PGS1: variants seen among roughly 807,000 people sequenced by gnomAD.
The protein encoded by PGS1 is CDP-diacylglycerol--glycerol-3-phosphate 3-phosphatidyltransferase, mitochondrial.
In PGS1, 44 loss-of-function variants were observed where a neutral mutation model predicts 58.3. The observed-to-expected ratio is 0.75, with a 90% confidence interval of 0.59 to 0.97. PGS1 has a LOEUF of 0.97. Among genes scored for constraint, PGS1 ranks in the 50% least tolerant of loss-of-function variants. The pLI is 0.00. For missense variants in PGS1, 684 were observed against 731.1 expected (o/e 0.94, Z 0.74); for synonymous variants, 330 against 311.0 (o/e 1.06, Z -0.64).
chr17:78,400,717 C>T lies in PGS1; in HGVS notation c.742C>T (p.Arg248Cys), dbSNP rs931233210. ...CTCCTACTTCACCAACCGCCAGGAC[C>T]GCTACGTGTTCCTGCAGGACTGTGC... ...SDSYFTNRQD[R>C]YVFLQDCAEI... Residue 248 changes from arginine (R) to cysteine (C), a missense_variant, in exon 6 of 10, where the codon CGC (arginine) becomes TGC (cysteine). Transcript: ENST00000262764. This position sits in a 1 kb window ranked among gnomAD's most constrained non-coding sequence, Gnocchi z 4.4. 1.9e-6 allele frequency: 3 copies of T among 1,614,014 alleles called. No individual in the cohort carries two copies. The highest frequency in any genetic ancestry group is 2.5e-6 in the Non-Finnish European group (3 of 1,179,986).
chr17:78,396,462 G>GC, intron 3 of PGS1, 77 bp downstream of exon 3: 1 of 1,066,718 alleles, frequency 9.4e-7, no homozygotes, highest in Non-Finnish European at 1.4e-6. Context: ...GTGCCATGCA[G>GC]TTGGTGTGGA....
At chr17:78,418,365 T>C (rs886120975) in intron 8 of PGS1, among the ~76,000 whole-genome samples, 1 of 152,236 alleles carries the variant, frequency 6.6e-6, no homozygotes, top group Non-Finnish European at 1.5e-5. Flanking sequence ...ATTGGCCGCC[T>C]GCCTTCTGTG....
intron 1 of PGS1, among the ~76,000 whole-genome samples, chr17:78,383,330 G>T (rs147365563): frequency 2.9e-4 from 44 of 152,040 alleles, no homozygotes; most frequent in Admixed American, 1.8e-3. Context: ...GGCTTCAAGC[G>T]ATTCTCCTGC....
intron 6 of PGS1, 65 bp from the exon 7 acceptor site, chr17:78,403,503 T>G: frequency 9.9e-6 from 15 of 1,521,762 alleles, no homozygotes; most frequent in African/African-American, 1.4e-5. Context: ...CCCTGTCCCC[T>G]GAGCTGGGCA....
chr17:78,419,808 C>T (rs1398241619), intron 9 of PGS1, 133 bp downstream of exon 9: 1 of 1,485,762 alleles, frequency 6.7e-7, no homozygotes, highest in Non-Finnish European at 9.0e-7. Flanking sequence ...AGAGCAGCAT[C>T]TTCAGGGGTA....
intron 1 of PGS1, among the ~76,000 whole-genome samples, chr17:78,383,095 A>G (rs2082149325): frequency 6.6e-6 from 1 of 152,328 alleles, no homozygotes; most frequent in South Asian, 2.1e-4. Flanking sequence ...TTTAAGTTTT[A>G]GCTATACATG....
At chr17:78,397,832 C>G (rs1228609669) in intron 3 of PGS1, among the ~76,000 whole-genome samples, 1 of 152,234 alleles carries the variant, frequency 6.6e-6, no homozygotes, top group South Asian at 2.1e-4. Context: ...CGGAGAGTGG[C>G]CAGTGGGCAG....
chr17:78,395,946 G>C (rs2083199990), intron 2 of PGS1, among the ~76,000 whole-genome samples: 1 of 152,216 alleles, frequency 6.6e-6, no homozygotes, highest in African/African-American at 2.4e-5. Context: ...CGCCATGTTG[G>C]CCAGGCTGGT....
In PGS1 at chr17:78,416,594, G is replaced by A. The variant is rs148384097; in HGVS notation, c.1551+1567G>A. ...CTGGATCTTGAGAAAAGCTGGGGCC[G>A]CCTGTGGTTAGCAGCTGCTTTCTCA... On this transcript the variant is annotated intron_variant, in intron 8 of 9. Transcript: ENST00000262764. Among the ~76,000 whole-genome samples the A allele has an allele frequency of 3.3e-4, 50 of 152,312 alleles. No individual in the cohort carries two copies. The East Asian group carries it at 8.5e-3, about 26-fold the overall frequency.
chr17:78,417,279 G>A (rs1274400507), intron 8 of PGS1, among the ~76,000 whole-genome samples: 1 of 152,194 alleles, frequency 6.6e-6, no homozygotes, highest in Non-Finnish European at 1.5e-5. Flanking sequence ...CTGGAGCCAG[G>A]TCTGTGGAGA....
At chr17:78,379,223 A>G (rs558313271) in intron 1 of PGS1, among the ~76,000 whole-genome samples, 5 of 152,280 alleles carry the variant, frequency 3.3e-5, no homozygotes, top group Admixed American at 2.0e-4. Context: ...GAGAGTTCAG[A>G]GGGGTCTTTT....
chr17:78,414,697 G>A (rs2085021071), intron 7 of PGS1, among the ~76,000 whole-genome samples, 182 bp from the exon 8 acceptor site: 2 of 152,200 alleles, frequency 1.3e-5, no homozygotes, highest in South Asian at 2.1e-4. Context: ...CCTGCTTCCT[G>A]CCGCGCCGGG....
At chr17:78,403,506 G>C (rs1426727192) in intron 6 of PGS1, 62 bp from the exon 7 acceptor site, 2 of 1,532,304 alleles carry the variant, frequency 1.3e-6, no homozygotes, top group Admixed American at 1.8e-5. Flanking sequence ...TGTCCCCTGA[G>C]CTGGGCAGAG....
chr17:78,383,933 T>C (rs936930555), intron 1 of PGS1, among the ~76,000 whole-genome samples: 2 of 152,232 alleles, frequency 1.3e-5, no homozygotes, highest in African/African-American at 4.8e-5. Context: ...GTCTGAATGA[T>C]AATCCCTTTG....
At chr17:78,383,297 A>G (rs1055776406) in intron 1 of PGS1, among the ~76,000 whole-genome samples, 5 of 150,710 alleles carry the variant, frequency 3.3e-5, no homozygotes, top group Non-Finnish European at 7.4e-5. Flanking sequence ...GCCCAGGCTG[A>G]GGTGCCGCAA....
rs2084533674 is a variant in PGS1, at chr17:78,410,317, T to C, written c.1403-4562T>C. On this transcript the variant is annotated intron_variant, in intron 7 of 9. Transcript: ENST00000262764. ...GGTTACAGCCGCCTGTAATCTCAGC[T>C]ACTCAGGAGGCTGAGGTGGGAGAAT... 3.5e-5 allele frequency among the ~76,000 whole-genome samples: 5 copies of C among 143,288 alleles called. No homozygotes were observed. In the South Asian group the frequency reaches 6.8e-4, roughly 19 times the overall value. The allele number at this position is 143,288 out of a possible 152,430, so 94.0% of individuals were successfully genotyped here. A position where few individuals can be genotyped will look rare whatever the true frequency, so the allele number is the denominator to read the frequency against.
intron 6 of PGS1, 33 bp from the exon 7 acceptor site, chr17:78,403,535 C>G: frequency 6.3e-7 from 1 of 1,595,756 alleles, no homozygotes; most frequent in Non-Finnish European, 8.6e-7. Flanking sequence ...CTCCATTTCT[C>G]TTCCCTTCAC....
intron 9 of PGS1, 63 bp downstream of exon 9, chr17:78,419,738 GT>G: frequency 6.3e-7 from 1 of 1,599,752 alleles, no homozygotes. Flanking sequence ...GGGGCAGGTG[GT>G]TGTTCTGACT....
intron 1 of PGS1, among the ~76,000 whole-genome samples, chr17:78,384,863 A>G (rs962801629): frequency 1.3e-5 from 2 of 152,236 alleles, no homozygotes; most frequent in African/African-American, 4.8e-5. Context: ...CACCGGGAGA[A>G]GATGTGGAAG....
Sources: allele counts gnomAD v4.1 joint callset (sites outside exome capture counted in the v4.1 genomes callset), GRCh38; gene constraint gnomAD v4.1.1; non-coding constraint Gnocchi (gnomAD v3.1); transcripts MANE v1.5; gene names NCBI Gene and HGNC (gene_info 2026-07-23, HGNC 2026-07-21).